PTPN14: variants seen among roughly 807,000 people sequenced by gnomAD.
PTPN14 encodes tyrosine-protein phosphatase non-receptor type 14.
In PTPN14, 53 loss-of-function variants were observed where a neutral mutation model predicts 126.8. The ratio of observed to expected loss-of-function variants is 0.42; its 90% CI spans 0.34 to 0.53. The LOEUF (loss-of-function observed/expected upper bound fraction) is 0.53, where lower values mean the gene tolerates loss of function less well. Among genes scored for constraint, PTPN14 ranks in the 20% least tolerant of loss-of-function variants. PTPN14 has a pLI of 0.08. For synonymous variants in PTPN14, 630 were observed against 599.3 expected (o/e 1.05, Z -0.75); for missense variants, 1,257 against 1,552.9 (o/e 0.81, Z 3.20).
rs1189365091 is a variant in PTPN14 at position 214,372,898 on chromosome 1, G to A, written c.2908-59C>T. ...CCAAGTCCGGACAACATTACCTGCT[G>A]ATCACCTGTCCATCTGTATCCACCT... On this transcript the variant is annotated intron_variant, in intron 15 of 18. Coordinates refer to ENST00000366956, the MANE Select transcript of PTPN14 (RefSeq NM_005401.5). 1.4e-5 allele frequency: 22 copies of A among 1,599,316 alleles called. 1 individual carries two copies. The highest frequency in any genetic ancestry group is 6.7e-5 in the African/African-American group (5 of 74,668).
At chr1:214,499,388 T>G (rs1360216976) in intron 1 of PTPN14, among the ~76,000 whole-genome samples, 1 of 152,202 alleles carries the variant, frequency 6.6e-6, no homozygotes, top group East Asian at 1.9e-4. Context: ...GGCATATATA[T>G]ATATATATGC....
In PTPN14 at chr1:214,447,325, G is replaced by A. The variant is rs372804864; in HGVS notation, c.344+4480C>T. Among the ~76,000 whole-genome samples, 101 of 152,084 alleles carry A rather than the reference G, an allele frequency of 6.6e-4. 1 individual carries two copies. The highest frequency in any genetic ancestry group is 2.3e-3 in the African/African-American group (96 of 41,496). ...GCTGAGATTCCCAAAGGCTCTTAAG[G>A]ACTGTAGCATTTTTCACCTTGTGTT... On this transcript the variant is annotated intron_variant, in intron 3 of 18. Coordinates refer to ENST00000366956, the MANE Select transcript of PTPN14 (RefSeq NM_005401.5).
At chr1:214,445,073 A>G (rs1455663896) in intron 3 of PTPN14, among the ~76,000 whole-genome samples, 2 of 152,176 alleles carry the variant, frequency 1.3e-5, no homozygotes, top group Non-Finnish European at 2.9e-5. Flanking sequence ...GCCCATACAG[A>G]GATTAAGTAT....
At chr1:214,483,963 C>A (rs528257026) in intron 1 of PTPN14, among the ~76,000 whole-genome samples, 1 of 152,314 alleles carries the variant, frequency 6.6e-6, no homozygotes, top group African/African-American at 2.4e-5. Flanking sequence ...GAGAAAGACC[C>A]TTTCATCTCC....
At chr1:214,398,947 T>G (rs1658952707) in intron 7 of PTPN14, among the ~76,000 whole-genome samples, 1 of 151,746 alleles carries the variant, frequency 6.6e-6, no homozygotes, top group African/African-American at 2.4e-5. Context: ...TTTTATATTT[T>G]TAGTAGAGAC....
At chr1:214,396,558 G>A (rs756281182) in intron 8 of PTPN14, among the ~76,000 whole-genome samples, 18 of 152,132 alleles carry the variant, frequency 1.2e-4, no homozygotes, top group African/African-American at 3.1e-4. Context: ...TCGGAGCCCC[G>A]CCACATGACT....
intron 1 of PTPN14, among the ~76,000 whole-genome samples, chr1:214,487,295 G>C (rs955106570): frequency 6.6e-6 from 1 of 152,044 alleles, no homozygotes; most frequent in Non-Finnish European, 1.5e-5. Context: ...CCTTATGAGA[G>C]ATCAGCCAGA....
chr1:214,541,865 T>C (rs1655845869), intron 1 of PTPN14, among the ~76,000 whole-genome samples: 1 of 152,212 alleles, frequency 6.6e-6, no homozygotes, highest in African/African-American at 2.4e-5. Flanking sequence ...GACTTTCTGT[T>C]TACATTTTTA....
At chr1:214,358,099 T>C (rs768333144) in intron 18 of PTPN14, 49 bp from the exon 19 acceptor site, 2 of 1,594,124 alleles carry the variant, frequency 1.3e-6, no homozygotes, top group Non-Finnish European at 8.5e-7. Context: ...GAGGCTTCCC[T>C]TTGAGCATTC....
chr1:214,472,043 A>G (rs1327264644), intron 1 of PTPN14, among the ~76,000 whole-genome samples: 1 of 152,172 alleles, frequency 6.6e-6, no homozygotes, highest in East Asian at 1.9e-4. Context: ...TCCTGAAGGG[A>G]AAGACCTGTG....
chr1:214,370,166 G>A (rs1278959307), intron 16 of PTPN14, among the ~76,000 whole-genome samples: 7 of 152,032 alleles, frequency 4.6e-5, no homozygotes, highest in Non-Finnish European at 1.0e-4. Context: ...TGTAGTCCCA[G>A]CTGCTGGGGA....
chr1:214,540,067 T>C (rs1206675335), intron 1 of PTPN14, among the ~76,000 whole-genome samples: 2 of 152,208 alleles, frequency 1.3e-5, no homozygotes, highest in East Asian at 1.9e-4. Context: ...CATAATTATA[T>C]AATATTCCAT....
chr1:214,372,903 C>T (rs1658252981), intron 15 of PTPN14, 64 bp from the exon 16 acceptor site: 1 of 1,596,154 alleles, frequency 6.3e-7, no homozygotes, highest in African/African-American at 1.3e-5. Context: ...CTGCTGATCA[C>T]CTGTCCATCT....
At chr1:214,551,024 G>T (rs1322583286) in intron 1 of PTPN14, among the ~76,000 whole-genome samples, 159 bp downstream of exon 1, 1 of 152,208 alleles carries the variant, frequency 6.6e-6, no homozygotes, top group Non-Finnish European at 1.5e-5. Context: ...ACACCCCTGC[G>T]GCCCGGCCAC....
At chr1:214,482,909 A>G in intron 1 of PTPN14, 2 of 1,594,014 alleles carry the variant, frequency 1.3e-6, no homozygotes, top group South Asian at 2.2e-5. Context: ...CTGATACAGC[A>G]CAGGCTGGAG....
chr1:214,415,164 C>G (rs1261373608), intron 3 of PTPN14, among the ~76,000 whole-genome samples: 1 of 152,204 alleles, frequency 6.6e-6, no homozygotes, highest in African/African-American at 2.4e-5. Context: ...AGATCACAAA[C>G]AGGCCAAATA....
rs539342321 is a variant in PTPN14, at chr1:214,482,699, AAG to A, written c.-154-17744_-154-17743del. On this transcript the variant is annotated intron_variant, in intron 1 of 18. Transcript: ENST00000366956. ...CTATATAGTACCTTGACTTAAATCC[AAG>A]AGCAAAAGTTAAGACTCTCCTCCTC... 3,928 of 1,160,696 alleles carry A rather than the reference AAG, an allele frequency of 3.4e-3. 4 individuals are homozygous for A. The highest frequency in any genetic ancestry group is 3.3e-3 in the Non-Finnish European group (2,708 of 824,814). 71.9% of individuals were successfully genotyped at this position (1,160,696 alleles called of 1,614,324 possible).
chr1:214,417,755 A>G (rs796312723), intron 3 of PTPN14, among the ~76,000 whole-genome samples: 2 of 152,152 alleles, frequency 1.3e-5, no homozygotes, highest in African/African-American at 2.4e-5. Flanking sequence ...ATTACCACAG[A>G]ACTACAAATA....
chr1:214,366,690 A>AC (rs1658087587), intron 17 of PTPN14, among the ~76,000 whole-genome samples: 2 of 152,306 alleles, frequency 1.3e-5, no homozygotes, highest in Admixed American at 1.3e-4. Flanking sequence ...AAAGCATAAT[A>AC]CATACATTTA....
Sources: gnomAD v4.1 joint callset for allele counts (sites outside exome capture counted in the v4.1 genomes callset) on GRCh38, gnomAD v4.1.1 for gene constraint, MANE v1.5 for transcripts, NCBI Gene and HGNC (gene_info 2026-07-23, HGNC 2026-07-21) for gene names.